RNLS: variants seen among roughly 807,000 people sequenced by gnomAD.
RNLS encodes renalase, FAD dependent amine oxidase, also known as renalase.
RNLS carries 39 observed loss-of-function variants against 39.8 expected under a neutral mutation model. That is an observed-to-expected ratio of 0.98 (90% confidence interval 0.76 to 1.28). The LOEUF (loss-of-function observed/expected upper bound fraction) is 1.28. RNLS is among the 50% of genes most tolerant of loss of function. RNLS has a pLI of 0.00. For synonymous variants in RNLS, 147 were observed against 150.7 expected (o/e 0.98, Z 0.18); for missense variants, 410 against 413.3 (o/e 0.99, Z 0.07).
At chr10:88,178,483 G>A in the RNLS span, among the ~76,000 whole-genome samples, 1 of 152,154 alleles carries the variant, frequency 6.6e-6, no homozygotes, top group Admixed American at 6.5e-5. Context: ...GTAGGTATCT[G>A]TGGTGAGAAT....
At chr10:88,393,546 T>C (rs1027729191) in intron 4 of RNLS, among the ~76,000 whole-genome samples, 2 of 152,092 alleles carry the variant, frequency 1.3e-5, no homozygotes, top group African/African-American at 4.8e-5. Context: ...TAAAAGAGGA[T>C]ACAAACAAAT....
At chr10:88,540,820 T>C (rs552986065) in intron 4 of RNLS, among the ~76,000 whole-genome samples, 1 of 152,194 alleles carries the variant, frequency 6.6e-6, no homozygotes, top group South Asian at 2.1e-4. Flanking sequence ...TAGCATATTT[T>C]TTCACACATC....
intron 6 of RNLS, among the ~76,000 whole-genome samples, chr10:88,311,735 G>T (rs2133036654): frequency 6.6e-6 from 1 of 152,192 alleles, no homozygotes; most frequent in Non-Finnish European, 1.5e-5. Context: ...CATATTGTAG[G>T]CATTCATTAA....
At chr10:88,296,578 G>A (rs973935067) in intron 6 of RNLS, among the ~76,000 whole-genome samples, 2 of 152,120 alleles carry the variant, frequency 1.3e-5, no homozygotes, top group Admixed American at 1.3e-4. Flanking sequence ...ACTTTTAATA[G>A]TGTGAAAATT....
chr10:88,553,010 A>G (rs1848673968), intron 4 of RNLS, among the ~76,000 whole-genome samples: 1 of 152,234 alleles, frequency 6.6e-6, no homozygotes, highest in Non-Finnish European at 1.5e-5. Context: ...GACTATTATG[A>G]AAACAAAGAG....
At chr10:88,385,255 T>C (rs1275416410) in intron 4 of RNLS, among the ~76,000 whole-genome samples, 1 of 152,200 alleles carries the variant, frequency 6.6e-6, no homozygotes, top group Admixed American at 6.5e-5. Flanking sequence ...TGTTGGTGGA[T>C]AAAAAGACTC....
chr10:88,338,758 C>CTTTTTTTTTTTTTT (rs36061512), intron 5 of RNLS, among the ~76,000 whole-genome samples: 1 of 112,496 alleles, frequency 8.9e-6, no homozygotes, highest in Non-Finnish European at 1.8e-5. Context: ...GCTAGATTTC[C>CTTTTTTTTTTTTTT]TTTTTTTTTT....
chr10:88,179,172 G>C, the RNLS span, among the ~76,000 whole-genome samples: 57 of 152,312 alleles, frequency 3.7e-4, no homozygotes, highest in African/African-American at 1.3e-3. Flanking sequence ...ATCAGGTAGG[G>C]GGAATGGGAG....
chr10:88,247,357 G>T, the RNLS span, among the ~76,000 whole-genome samples: 1 of 152,138 alleles, frequency 6.6e-6, no homozygotes, highest in African/African-American at 2.4e-5. Context: ...GATGAAGAAG[G>T]GGGAAGTGAG....
chr10:88,560,198 G>C (rs1849093050), intron 4 of RNLS, among the ~76,000 whole-genome samples: 1 of 152,098 alleles, frequency 6.6e-6, no homozygotes, highest in Admixed American at 6.5e-5. Context: ...AAATCTGCTT[G>C]ATGGTTATTA....
intron 5 of RNLS, 96 bp downstream of exon 5, chr10:88,362,456 C>T: frequency 8.8e-7 from 1 of 1,141,956 alleles, no homozygotes; most frequent in Non-Finnish European, 1.2e-6. Context: ...TAAATGCTTG[C>T]TCTGTTCAGA....
At chr10:88,184,976 T>C in the RNLS span, among the ~76,000 whole-genome samples, 66 of 152,276 alleles carry the variant, frequency 4.3e-4, no homozygotes, top group Admixed American at 4.3e-3. Flanking sequence ...CTTGCCTTTG[T>C]TCAGTCTTAA....
the RNLS span, among the ~76,000 whole-genome samples, chr10:88,193,569 T>C: frequency 2.0e-5 from 3 of 152,108 alleles, no homozygotes; most frequent in African/African-American, 4.8e-5. Context: ...ATCATACGTA[T>C]TTTTTAAGAG....
chr10:88,534,239 A>C (rs1215663363), intron 4 of RNLS, among the ~76,000 whole-genome samples: 1 of 152,124 alleles, frequency 6.6e-6, no homozygotes, highest in Non-Finnish European at 1.5e-5. Flanking sequence ...GGAGACCTGC[A>C]GCATTATGTA....
intron 3 of RNLS, among the ~76,000 whole-genome samples, chr10:88,580,901 T>C (rs906120793): frequency 6.6e-6 from 1 of 152,200 alleles, no homozygotes; most frequent in Non-Finnish European, 1.5e-5. Context: ...TTAAGATTAA[T>C]ACACAGCACA....
At chr10:88,385,842 G>T (rs190866286) in intron 4 of RNLS, among the ~76,000 whole-genome samples, 72 of 152,324 alleles carry the variant, frequency 4.7e-4, no homozygotes, top group African/African-American at 1.6e-3. Flanking sequence ...CAGAAAAAAA[G>T]GACTTATCAA....
chr10:88,198,990 C>A, the RNLS span, among the ~76,000 whole-genome samples: 1 of 152,204 alleles, frequency 6.6e-6, no homozygotes, highest in Non-Finnish European at 1.5e-5. Flanking sequence ...TCTCTCCCTG[C>A]ACTCATTCCA....
At chr10:88,283,056 G>A (rs949999822), downstream of RNLS, among the ~76,000 whole-genome samples, 1 of 152,148 alleles carries the variant, frequency 6.6e-6, no homozygotes, top group African/African-American at 2.4e-5. Context: ...CTTGGCCACT[G>A]TTCTACCTGG....
At chr10:88,238,913 C>T in the RNLS span, among the ~76,000 whole-genome samples, 4 of 152,080 alleles carry the variant, frequency 2.6e-5, no homozygotes, top group Non-Finnish European at 5.9e-5. Context: ...TTGAAGGAAG[C>T]CAAGACAGCC....
Sources: gnomAD v4.1 joint callset for allele counts (sites outside exome capture counted in the v4.1 genomes callset) on GRCh38, gnomAD v4.1.1 for gene constraint, MANE v1.5 for transcripts, NCBI Gene and HGNC (gene_info 2026-07-23, HGNC 2026-07-21) for gene names.